IGSF21: variants seen among roughly 807,000 people sequenced by gnomAD.
IGSF21 encodes the protein immunoglobin superfamily member 21, also known as immunoglobulin superfamily member 21.
A neutral mutation model predicts 46.8 loss-of-function variants in IGSF21; 28 were observed. The observed-to-expected ratio is 0.60, with a 90% confidence interval of 0.44 to 0.82. IGSF21 has a LOEUF of 0.82. Ranked by LOEUF, IGSF21 falls within the 40% of genes least tolerant of loss-of-function variation. The pLI is 0.00. For synonymous variants in IGSF21, 284 were observed against 273.6 expected, an observed-to-expected ratio of 1.04 and a Z score of -0.38; for missense variants, 624 against 665.5, an observed-to-expected ratio of 0.94 and a Z score of 0.69.
chr1:18,178,435 G>A (rs1002895116), intron 1 of IGSF21, among the ~76,000 whole-genome samples: 2 of 152,078 alleles, frequency 1.3e-5, no homozygotes, highest in African/African-American at 4.8e-5. Context: ...GATATTGAAC[G>A]AGTTATCTAA....
chr1:18,191,639 C>T lies in IGSF21; in HGVS notation c.71-36259C>T, dbSNP rs150423208. Among the ~76,000 whole-genome samples, 1,047 of 151,690 alleles carry T rather than the reference C, an allele frequency of 6.9e-3. 12 individuals carry two copies. The highest frequency in any genetic ancestry group is 0.014 in the African/African-American group (594 of 41,346). The stretch of plus-strand genomic sequence containing the variant: ...GCTGTGTGGATCTGTGGCAGGCTTG[C>T]GGGTTGGGGAAGCCGGGCCCATCTG... On this transcript the variant is annotated intron_variant, in intron 1 of 9. Coordinates refer to ENST00000251296, the MANE Select transcript of IGSF21 (RefSeq NM_032880.5).
chr1:18,128,325 T>C (rs1345056491), intron 1 of IGSF21, among the ~76,000 whole-genome samples: 1 of 152,020 alleles, frequency 6.6e-6, no homozygotes, highest in Non-Finnish European at 1.5e-5. Context: ...CTAGATTGGG[T>C]GGTCAAGGAA....
chr1:18,179,922 AG>A (rs2086840132), intron 1 of IGSF21, among the ~76,000 whole-genome samples: 2 of 152,232 alleles, frequency 1.3e-5, no homozygotes, highest in Admixed American at 6.5e-5. Context: ...TCCAAGCAAA[AG>A]GAAAAGAAAC....
chr1:18,159,046 G>A lies in IGSF21; in HGVS notation c.70+50848G>A, dbSNP rs536847209. Among the ~76,000 whole-genome samples, 5 of 152,266 alleles carry A rather than the reference G, an allele frequency of 3.3e-5. 1 individual carries two copies. Among genetic ancestry groups the A allele is most frequent in the African/African-American group, 1.2e-4 (5 of 41,564 alleles). Reference sequence around the variant, plus strand: ...AGGTTCCCTGGTGCCTGTGTTGAGAGTCTCTGCCTTGGGTTTGGTCGCCTC... The same window carrying A: ...AGGTTCCCTGGTGCCTGTGTTGAGAATCTCTGCCTTGGGTTTGGTCGCCTC... On this transcript the variant is annotated intron_variant, in intron 1 of 9. Coordinates refer to ENST00000251296, the MANE Select transcript of IGSF21 (RefSeq NM_032880.5).
chr1:18,119,287 A>G (rs1409462641), intron 1 of IGSF21, among the ~76,000 whole-genome samples: 1 of 152,244 alleles, frequency 6.6e-6, no homozygotes, highest in African/African-American at 2.4e-5. Context: ...ACTGGGGCTT[A>G]CAGTCTAGGG....
At chr1:18,169,345 C>T (rs2086712183) in intron 1 of IGSF21, among the ~76,000 whole-genome samples, 1 of 152,208 alleles carries the variant, frequency 6.6e-6, no homozygotes, top group Non-Finnish European at 1.5e-5. Flanking sequence ...GAATTCCACT[C>T]ATGCCTGGGA....
chr1:18,342,067 TTG>T (rs1491021624), intron 4 of IGSF21, among the ~76,000 whole-genome samples: 1,499 of 115,900 alleles, frequency 0.013, 15 homozygotes, highest in African/African-American at 0.038. Flanking sequence ...TTTTTTTTTT[TTG>T]TTTGTTTGTT....
chr1:18,281,223 G>A (rs1418654019), intron 2 of IGSF21, among the ~76,000 whole-genome samples: 1 of 152,110 alleles, frequency 6.6e-6, no homozygotes, highest in African/African-American at 2.4e-5. Flanking sequence ...GGGAAGCTGA[G>A]GTCACTGGGG....
At chr1:18,209,358 G>A (rs1471454734) in intron 1 of IGSF21, among the ~76,000 whole-genome samples, 1 of 152,170 alleles carries the variant, frequency 6.6e-6, no homozygotes, top group African/African-American at 2.4e-5. Flanking sequence ...TGCTTTCTTG[G>A]CCTGTCTCAA....
At chr1:18,351,695 C>T (rs2085957415) in intron 4 of IGSF21, among the ~76,000 whole-genome samples, 1 of 152,192 alleles carries the variant, frequency 6.6e-6, no homozygotes, top group Non-Finnish European at 1.5e-5. Context: ...AAGTATGGTA[C>T]CTGGTGAAAT....
intron 4 of IGSF21, among the ~76,000 whole-genome samples, chr1:18,353,206 A>G (rs1212586046): frequency 6.6e-6 from 1 of 151,708 alleles, no homozygotes; most frequent in Non-Finnish European, 1.5e-5. Flanking sequence ...CCCATAAACC[A>G]AAGAGTTGCA....
intron 3 of IGSF21, among the ~76,000 whole-genome samples, chr1:18,294,901 G>C (rs1409169108): frequency 6.6e-6 from 1 of 152,236 alleles, no homozygotes; most frequent in Non-Finnish European, 1.5e-5. Context: ...CGGGGCGCGG[G>C]ACTCCGCATT....
At chr1:18,234,294 G>A (rs2084653833) in intron 2 of IGSF21, among the ~76,000 whole-genome samples, 1 of 152,168 alleles carries the variant, frequency 6.6e-6, no homozygotes, top group East Asian at 1.9e-4. Context: ...GCCTTCCAAA[G>A]AGCCAGGTTC....
In IGSF21 at chr1:18,335,213, C is replaced by T. The variant is rs1362981565; in HGVS notation, c.424+203C>T. Among the ~76,000 whole-genome samples, 1 of 152,202 alleles carries T rather than the reference C, an allele frequency of 6.6e-6. No homozygotes were observed. Among genetic ancestry groups the T allele is most frequent in the Non-Finnish European group, 1.5e-5 (1 of 68,030 alleles). On this transcript the variant is annotated intron_variant, in intron 4 of 9. Coordinates refer to ENST00000251296, the MANE Select transcript of IGSF21 (RefSeq NM_032880.5). The surrounding 1 kb of genome is among the most constrained non-coding windows in gnomAD (Gnocchi z 4.8). The stretch of plus-strand genomic sequence containing the variant: ...GTGTGACCCGTGAAGTCTTGCCCCC[C>T]ATGGGCCTCCCCTCAGGAGGTCCCC...
chr1:18,227,405 A>G (rs1365349683), intron 1 of IGSF21, among the ~76,000 whole-genome samples: 1 of 151,880 alleles, frequency 6.6e-6, no homozygotes, highest in East Asian at 1.9e-4. Context: ...TGGCTGAGCG[A>G]CCCATATTCA....
intron 1 of IGSF21, among the ~76,000 whole-genome samples, chr1:18,222,973 T>C (rs1052146702): frequency 6.6e-6 from 1 of 152,196 alleles, no homozygotes; most frequent in African/African-American, 2.4e-5. Flanking sequence ...CTGGCACATC[T>C]GTTGGAAAAT....
At chr1:18,111,362 G>T (rs944812604) in intron 1 of IGSF21, 3 of 152,162 alleles carry the variant, frequency 2.0e-5, no homozygotes, top group Non-Finnish European at 2.9e-5. Flanking sequence ...GAGAATATTC[G>T]AGCTGGAGCG....
chr1:18,247,173 C>T (rs189610613), intron 2 of IGSF21, among the ~76,000 whole-genome samples: 124 of 151,572 alleles, frequency 8.2e-4, no homozygotes, highest in African/African-American at 3.0e-3. Context: ...CCACTCTACC[C>T]GTTTTCTTGT....
At chr1:18,285,209 T>C (rs2085201343) in intron 2 of IGSF21, among the ~76,000 whole-genome samples, 1 of 151,068 alleles carries the variant, frequency 6.6e-6, no homozygotes, top group South Asian at 2.1e-4. Context: ...TTTTTCTTTT[T>C]CGGATGACAG....
Sources: allele counts gnomAD v4.1 joint callset (sites outside exome capture counted in the v4.1 genomes callset), GRCh38; gene constraint gnomAD v4.1.1; non-coding constraint Gnocchi (gnomAD v3.1); transcripts MANE v1.5; gene names NCBI Gene and HGNC (gene_info 2026-07-23, HGNC 2026-07-21).